The following IGF2BP3 variants were observed in gnomAD, a reference collection of about 807,000 sequenced individuals.
The protein encoded by IGF2BP3 is insulin like growth factor 2 mRNA binding protein 3.
IGF2BP3 carries 9 observed loss-of-function variants against 73.8 expected under a neutral mutation model. The ratio of observed to expected loss-of-function variants is 0.12; its 90% CI spans 0.07 to 0.21. IGF2BP3 has a LOEUF of 0.21. IGF2BP3 is among the 10% of genes least tolerant of loss of function. The probability of loss-of-function intolerance (pLI) is 1.00; values close to 1 mark genes in which losing one functional copy is unlikely to be tolerated. For missense variants in IGF2BP3, 542 were observed against 714.0 expected, an observed-to-expected ratio of 0.76 and a Z score of 2.75; for synonymous variants, 258 against 256.7, an observed-to-expected ratio of 1.01 and a Z score of -0.05.
chr7:23,362,910 C>A (rs1183958704), intron 3 of IGF2BP3, among the ~76,000 whole-genome samples: 2 of 152,026 alleles, frequency 1.3e-5, no homozygotes, highest in Admixed American at 1.3e-4. Context: ...CACGCCGCCA[C>A]CCTCAGCTAA....
intron 2 of IGF2BP3, among the ~76,000 whole-genome samples, chr7:23,449,447 G>T (rs1408356866): frequency 2.0e-5 from 3 of 151,868 alleles, no homozygotes; most frequent in Non-Finnish European, 4.4e-5. Context: ...AAACCGGGAG[G>T]CAGAGCTTGC....
intron 3 of IGF2BP3, among the ~76,000 whole-genome samples, chr7:23,399,594 A>T (rs527563257): frequency 6.6e-6 from 1 of 152,044 alleles, no homozygotes; most frequent in African/African-American, 2.4e-5. Flanking sequence ...ACAAAAATTA[A>T]TTTCTGTTGC....
At chr7:23,317,961 C>T in intron 11 of IGF2BP3, 1 of 522,104 alleles carries the variant, frequency 1.9e-6, no homozygotes, top group Non-Finnish European at 3.5e-6. Context: ...CTAATCCTCA[C>T]CACGTCCTGA....
At chr7:23,367,112 G>T (rs1207621364) in intron 3 of IGF2BP3, among the ~76,000 whole-genome samples, 1 of 151,558 alleles carries the variant, frequency 6.6e-6, no homozygotes, top group Non-Finnish European at 1.5e-5. Flanking sequence ...CTGAGTAGCT[G>T]GGATTACATG....
chr7:23,310,778 A>G lies in IGF2BP3; in HGVS notation c.*1584T>C, dbSNP rs1012869157. On this transcript the variant is annotated 3_prime_UTR_variant, in exon 15 of 15. Transcript: ENST00000258729. ...TATAGAAATTCATCTTGAAATAAGA[A>G]TGAGGCAGTGATTTTTTTTTTAAAG... The G allele has an allele frequency of 4.6e-5, 7 of 150,628 alleles. No homozygotes were observed. Among genetic ancestry groups the G allele is most frequent in the Admixed American group, 2.6e-4 (4 of 15,220 alleles). The allele number at this position is 150,628 out of a possible 1,614,324, so 9.3% of individuals were successfully genotyped here. A position where few individuals can be genotyped will look rare whatever the true frequency, so the allele number is the denominator to read the frequency against.
rs564123484 is a variant in IGF2BP3, at chr7:23,385,614, G to C, written c.286-23873C>G. Among the ~76,000 whole-genome samples, 31 of 152,140 alleles carry C rather than the reference G, an allele frequency of 2.0e-4. No homozygotes were observed. The South Asian group carries it at 6.4e-3, about 32-fold the overall frequency. ...AGTTTCTTCAACCAATGGGGTAGGG[G>C]GTGGGGGGAAGATAAAAAAAGGAAT... On this transcript the variant is annotated intron_variant, in intron 3 of 14. Transcript: ENST00000258729.
intron 3 of IGF2BP3, among the ~76,000 whole-genome samples, chr7:23,367,985 T>G (rs1402967655): frequency 1.3e-5 from 2 of 151,368 alleles, no homozygotes; most frequent in Non-Finnish European, 2.9e-5. Context: ...GGGCAACAGA[T>G]AGAGACTCCA....
intron 2 of IGF2BP3, among the ~76,000 whole-genome samples, chr7:23,465,183 TACA>T (rs1406385235): frequency 6.6e-6 from 1 of 152,152 alleles, no homozygotes; most frequent in Non-Finnish European, 1.5e-5. Flanking sequence ...CAAACACAGC[TACA>T]ACATTTCCAA....
At chr7:23,318,787 T>A (rs984062435) in intron 11 of IGF2BP3, among the ~76,000 whole-genome samples, 4 of 152,134 alleles carry the variant, frequency 2.6e-5, no homozygotes, top group Non-Finnish European at 5.9e-5. Flanking sequence ...TGTTCTCCTC[T>A]CCTACTGGCT....
chr7:23,363,575 A>C (rs561342893), intron 3 of IGF2BP3, among the ~76,000 whole-genome samples: 1 of 152,344 alleles, frequency 6.6e-6, no homozygotes, highest in South Asian at 2.1e-4. Context: ...GTTAATACCT[A>C]TTTATGAGTG....
chr7:23,432,385 G>A (rs1787705767), intron 2 of IGF2BP3, among the ~76,000 whole-genome samples: 1 of 152,164 alleles, frequency 6.6e-6, no homozygotes. Context: ...CTTAGGACAT[G>A]TGCAAGTTAG....
chr7:23,389,931 G>C (rs1786218577), intron 3 of IGF2BP3, among the ~76,000 whole-genome samples: 1 of 151,856 alleles, frequency 6.6e-6, no homozygotes, highest in African/African-American at 2.4e-5. Flanking sequence ...AGCCGTGACT[G>C]AGCCAGTACA....
At chr7:23,406,142 G>A (rs1020050634) in intron 3 of IGF2BP3, among the ~76,000 whole-genome samples, 23 of 152,024 alleles carry the variant, frequency 1.5e-4, no homozygotes, top group Non-Finnish European at 2.5e-4. Flanking sequence ...GGGGATCACT[G>A]ATCTAAAACA....
chr7:23,362,224 C>T (rs993392395), intron 3 of IGF2BP3, among the ~76,000 whole-genome samples: 1 of 147,558 alleles, frequency 6.8e-6, no homozygotes, highest in African/African-American at 2.7e-5. Context: ...CCAGCCTGGT[C>T]AACATAGTGA....
At chr7:23,428,514 T>C (rs2128540565) in intron 2 of IGF2BP3, among the ~76,000 whole-genome samples, 1 of 145,614 alleles carries the variant, frequency 6.9e-6, no homozygotes, top group Middle Eastern at 3.5e-3. Context: ...TGATGCTGTA[T>C]AAAAGAAAAA....
rs1488601781 is a variant in IGF2BP3 at position 23,312,419 on chromosome 7, C to T, written c.1683G>A (p.Lys561=). 3 of 1,613,858 alleles carry T rather than the reference C, an allele frequency of 1.9e-6. No homozygotes were observed. Among genetic ancestry groups the T allele is most frequent in the Admixed American group, 3.3e-5 (2 of 60,006 alleles). The change falls in exon 15 of 15, where the codon AAG becomes AAA. Residue 561 remains lysine (K), a synonymous_variant. Transcript: ENST00000258729. ...GCAGAGCCTTCTGTTGTTGGTGCTG[C>T]TTTACCTGAGTCAGAATTTCCTGAA... ...RKIQEILTQV[K]QHQQQKALQS...
intron 2 of IGF2BP3, among the ~76,000 whole-genome samples, chr7:23,432,293 G>A (rs894693214): frequency 6.6e-6 from 1 of 152,136 alleles, no homozygotes; most frequent in African/African-American, 2.4e-5. Flanking sequence ...ACTATTGTTT[G>A]CTTGCATTTA....
At chr7:23,468,123 G>A (rs893405338) in intron 2 of IGF2BP3, among the ~76,000 whole-genome samples, 5 of 152,192 alleles carry the variant, frequency 3.3e-5, no homozygotes, top group Admixed American at 6.5e-5. Context: ...CTGGAGGGGT[G>A]GGGGAATCAT....
At chr7:23,447,155 C>G (rs912595354) in intron 2 of IGF2BP3, among the ~76,000 whole-genome samples, 1 of 151,412 alleles carries the variant, frequency 6.6e-6, no homozygotes, top group Non-Finnish European at 1.5e-5. Flanking sequence ...GAGCCGAGAT[C>G]GCGCCACTGC....
Sources: allele counts gnomAD v4.1 joint callset (sites outside exome capture counted in the v4.1 genomes callset), GRCh38; gene constraint gnomAD v4.1.1; transcripts MANE v1.5; gene names NCBI Gene and HGNC (gene_info 2026-07-23, HGNC 2026-07-21).